The following CDH8 variants were observed in gnomAD, a reference collection of about 807,000 sequenced individuals.
CDH8 encodes the protein cadherin-8.
CDH8 carries 17 observed loss-of-function variants against 68.1 expected under a neutral mutation model. That is an observed-to-expected ratio of 0.25 (90% CI 0.17 to 0.37). CDH8 has a LOEUF of 0.37. CDH8 is among the 10% of genes least tolerant of loss of function. CDH8 has a pLI of 1.00. For synonymous variants in CDH8, 372 were observed against 365.1 expected, an observed-to-expected ratio of 1.02 and a Z score of -0.21; for missense variants, 763 against 999.3, an observed-to-expected ratio of 0.76 and a Z score of 3.19.
intron 3 of CDH8, among the ~76,000 whole-genome samples, chr16:61,876,798 A>G (rs1187077848): frequency 6.6e-6 from 1 of 151,994 alleles, no homozygotes; most frequent in Non-Finnish European, 1.5e-5. Context: ...TTTCTCCCTT[A>G]TTTCGAATCT....
intron 8 of CDH8, among the ~76,000 whole-genome samples, chr16:61,779,781 GCT>G (rs1303942478): frequency 7.2e-5 from 11 of 152,106 alleles, no homozygotes; most frequent in Admixed American, 7.2e-4. Flanking sequence ...TAAAATGCAT[GCT>G]TTTTCATTCC....
chr16:61,933,147 A>G (rs1964572534), intron 2 of CDH8, among the ~76,000 whole-genome samples: 1 of 152,234 alleles, frequency 6.6e-6, no homozygotes, highest in South Asian at 2.1e-4. Context: ...GAGAGACTGT[A>G]CAGCCAAATT....
At chr16:61,972,890 T>C (rs1965369084) in intron 2 of CDH8, among the ~76,000 whole-genome samples, 1 of 152,166 alleles carries the variant, frequency 6.6e-6, no homozygotes, top group African/African-American at 2.4e-5. Context: ...AACCATTACA[T>C]AGAGAAAAAT....
At chr16:61,845,340 T>A (rs1024749596) in intron 4 of CDH8, among the ~76,000 whole-genome samples, 1 of 152,028 alleles carries the variant, frequency 6.6e-6, no homozygotes, top group Non-Finnish European at 1.5e-5. Context: ...CTTTAGAAGA[T>A]CCTCAGGAGT....
rs71675273 is a variant in CDH8, at chr16:61,746,556, A to AACACACACACACACAC, written c.1415-19357_1415-19342dup. ...TAAAGAAAACACTTGATTCCCCCCC[A>AACACACACACACACAC]ACACACACACACACACACACACACA... On this transcript the variant is annotated intron_variant, in intron 8 of 11. Transcript: ENST00000577390. Among the ~76,000 whole-genome samples, 433 of 140,184 alleles carry AACACACACACACACAC rather than the reference A, an allele frequency of 3.1e-3. 4 individuals carry two copies. The highest frequency in any genetic ancestry group is 9.8e-3 in the African/African-American group (372 of 37,876). 92.0% of individuals were successfully genotyped at this position (140,184 alleles called of 152,430 possible). A position where few individuals can be genotyped will look rare whatever the true frequency, so the allele number is the denominator to read the frequency against.
intron 1 of CDH8, among the ~76,000 whole-genome samples, chr16:62,022,427 A>C (rs1902096266): frequency 1.3e-5 from 2 of 152,168 alleles, no homozygotes; most frequent in Non-Finnish European, 2.9e-5. Flanking sequence ...TATGGTAACA[A>C]ATGTAATGTT....
At chr16:61,907,783 G>C (rs377003314) in intron 2 of CDH8, among the ~76,000 whole-genome samples, 1 of 152,068 alleles carries the variant, frequency 6.6e-6, no homozygotes, top group Non-Finnish European at 1.5e-5. Flanking sequence ...GGTGGCTCAC[G>C]CCTGTAATCC....
intron 8 of CDH8, among the ~76,000 whole-genome samples, chr16:61,759,984 C>T (rs1182412546): frequency 1.3e-5 from 2 of 151,982 alleles, no homozygotes; most frequent in Admixed American, 1.3e-4. Flanking sequence ...AACACCAATA[C>T]CATGAAACAT....
At chr16:61,930,206 G>A (rs2143470673) in intron 2 of CDH8, among the ~76,000 whole-genome samples, 1 of 149,602 alleles carries the variant, frequency 6.7e-6, no homozygotes, top group Non-Finnish European at 1.5e-5. Flanking sequence ...AACAGTAAAG[G>A]TAAAAATTTT....
At chr16:61,988,447 G>A (rs937528941) in intron 2 of CDH8, among the ~76,000 whole-genome samples, 1 of 152,038 alleles carries the variant, frequency 6.6e-6, no homozygotes, top group Non-Finnish European at 1.5e-5. Flanking sequence ...TTTAAACCAA[G>A]CCCTGCATTT....
chr16:61,862,318 C>G (rs567062288), intron 3 of CDH8, among the ~76,000 whole-genome samples: 62 of 152,206 alleles, frequency 4.1e-4, no homozygotes, highest in Admixed American at 1.5e-3. Flanking sequence ...AAGCAGGAGG[C>G]TAGACACCGG....
intron 2 of CDH8, among the ~76,000 whole-genome samples, chr16:62,001,156 C>G (rs184104267): frequency 3.1e-4 from 47 of 152,186 alleles, no homozygotes; most frequent in African/African-American, 1.1e-3. Context: ...GATTCTGATG[C>G]AACAGACAAA....
At chr16:61,843,427 T>A (rs1292218301) in intron 4 of CDH8, among the ~76,000 whole-genome samples, 1 of 152,176 alleles carries the variant, frequency 6.6e-6, no homozygotes, top group African/African-American at 2.4e-5. Flanking sequence ...GGAGCTATGA[T>A]CATTCATCCT....
At chr16:61,680,154 G>T (rs1015164512) in intron 10 of CDH8, among the ~76,000 whole-genome samples, 2 of 151,898 alleles carry the variant, frequency 1.3e-5, no homozygotes, top group Non-Finnish European at 2.9e-5. Flanking sequence ...TACATCCTGA[G>T]ATCTGTTTTA....
intron 2 of CDH8, among the ~76,000 whole-genome samples, chr16:61,974,640 G>A (rs558213176): frequency 2.4e-4 from 36 of 152,266 alleles, no homozygotes; most frequent in African/African-American, 8.4e-4. Context: ...CAATAAACTA[G>A]ATAGCATAGA....
rs140026797 is a variant in CDH8, at chr16:61,952,498, T to G, written c.253-51025A>C. ...CAAATGAAGTAAACATGTAAAAGATTTTCAGAAGGCTGGGAGTTAGCAGGC... is the reference window on the plus strand; with the variant it reads ...CAAATGAAGTAAACATGTAAAAGATGTTCAGAAGGCTGGGAGTTAGCAGGC... On this transcript the variant is annotated intron_variant, in intron 2 of 11. Coordinates refer to ENST00000577390, the MANE Select transcript of CDH8 (RefSeq NM_001796.5). Among the ~76,000 whole-genome samples, 287 of 152,252 alleles carry G rather than the reference T, an allele frequency of 1.9e-3. 3 individuals carry two copies. The Middle Eastern group carries it at 0.024, about 13-fold the overall frequency.
At chr16:62,002,449 C>T (rs536452300) in intron 2 of CDH8, among the ~76,000 whole-genome samples, 29 of 152,176 alleles carry the variant, frequency 1.9e-4, no homozygotes, top group Non-Finnish European at 3.8e-4. Context: ...ATAGCTACAA[C>T]TGGAAATACA....
intron 2 of CDH8, among the ~76,000 whole-genome samples, chr16:61,919,948 G>C (rs1022975665): frequency 6.6e-6 from 1 of 151,964 alleles, no homozygotes; most frequent in Non-Finnish European, 1.5e-5. Context: ...AAATAATGCC[G>C]CATATCTACA....
intron 2 of CDH8, among the ~76,000 whole-genome samples, chr16:61,977,906 CAG>C (rs67853357): frequency 0.014 from 2,156 of 152,242 alleles, 52 homozygotes; most frequent in African/African-American, 0.049. Context: ...ACTAAGCATT[CAG>C]TACATATCCG....
Sources: allele counts gnomAD v4.1 joint callset (sites outside exome capture counted in the v4.1 genomes callset), GRCh38; gene constraint gnomAD v4.1.1; transcripts MANE v1.5; gene names NCBI Gene and HGNC (gene_info 2026-07-23, HGNC 2026-07-21).